CA6: variants seen among roughly 807,000 people sequenced by gnomAD.
CA6 encodes the protein carbonate dehydratase VI.
A neutral mutation model predicts 35.9 loss-of-function variants in CA6; 28 were observed. The ratio of observed to expected loss-of-function variants is 0.78; its 90% CI spans 0.58 to 1.07. CA6 has a LOEUF of 1.07. CA6 is among the 50% of genes least tolerant of loss of function. The pLI, the probability that CA6 is intolerant of heterozygous loss-of-function variation, is 0.00. For synonymous variants in CA6, 148 were observed against 152.6 expected (o/e 0.97, Z 0.22); for missense variants, 377 against 382.0 (o/e 0.99, Z 0.11).
At chr1:8,964,768 C>T (rs544770978) in intron 5 of CA6, among the ~76,000 whole-genome samples, 1 of 152,108 alleles carries the variant, frequency 6.6e-6, no homozygotes, top group South Asian at 2.1e-4. Flanking sequence ...TCCACGGAGC[C>T]GGAGTGACGG....
intron 1 of CA6, 74 bp downstream of exon 1, chr1:8,946,039 CTTCTTT>C: frequency 1.1e-6 from 1 of 871,838 alleles, no homozygotes; most frequent in Non-Finnish European, 1.8e-6. Flanking sequence ...CCTTCTTCTT[CTTCTTT>C]TTTTTTTTTT....
chr1:8,949,582 C>A, intron 2 of CA6, 140 bp downstream of exon 2: 1 of 697,120 alleles, frequency 1.4e-6, no homozygotes. Flanking sequence ...ACATGAGGGT[C>A]GAACATGAGG....
At chr1:8,953,854 G>C (rs1445931738) in intron 2 of CA6, among the ~76,000 whole-genome samples, 1 of 152,128 alleles carries the variant, frequency 6.6e-6, no homozygotes, top group Non-Finnish European at 1.5e-5. Context: ...TGAGATAGGA[G>C]GTTGGCACAA....
chr1:8,965,236 A>G, intron 5 of CA6, among the ~76,000 whole-genome samples: 1 of 152,038 alleles, frequency 6.6e-6, no homozygotes. Context: ...AGAGCGCAAC[A>G]ACATCTCAAA....
At chr1:8,958,414 C>T (rs895316027) in intron 3 of CA6, among the ~76,000 whole-genome samples, 6 of 152,214 alleles carry the variant, frequency 3.9e-5, no homozygotes, top group South Asian at 2.1e-4. Flanking sequence ...GTGATCCACC[C>T]GCCTCGGCCT....
chr1:8,966,257 G>A lies in CA6; in HGVS notation c.572-1402G>A, dbSNP rs183360448. 3.1e-3 allele frequency among the ~76,000 whole-genome samples: 466 copies of A among 152,014 alleles called. 3 individuals are homozygous for A. Among genetic ancestry groups the A allele is most frequent in the African/African-American group, 0.01 (434 of 41,454 alleles). ...CCCGAGTAGCTGGGATTACAGGCACGTGCCACCATGCCCAGCTAATTTTTG... is the reference window on the plus strand; with the variant it reads ...CCCGAGTAGCTGGGATTACAGGCACATGCCACCATGCCCAGCTAATTTTTG... On this transcript the variant is annotated intron_variant, in intron 5 of 7. Coordinates refer to ENST00000377443, the MANE Select transcript of CA6 (RefSeq NM_001215.4).
Position 8,963,937 on chromosome 1 carries a change from C to G in CA6, c.571+1281C>G, listed in dbSNP as rs527276242. On this transcript the variant is annotated intron_variant, in intron 5 of 7. Coordinates refer to ENST00000377443, the MANE Select transcript of CA6 (RefSeq NM_001215.4). The surrounding 1 kb of genome is among the most constrained non-coding windows in gnomAD (Gnocchi z 4.1). ...CATTTTCTTTCTGACCTCCCAAATT[C>G]CTGTCACATGCTTTCTCCTCTCTCC... Among the ~76,000 whole-genome samples, 1 of 152,352 alleles carries G rather than the reference C, an allele frequency of 6.6e-6. No homozygotes were observed. The highest frequency in any genetic ancestry group is 2.4e-5 in the African/African-American group (1 of 41,576).
At chr1:8,956,175 A>G (rs138756871) in intron 2 of CA6, among the ~76,000 whole-genome samples, 6,540 of 152,006 alleles carry the variant, frequency 0.043, 473 homozygotes, top group African/African-American at 0.15. Context: ...GTGAGCCTAG[A>G]TCATGCCACT....
chr1:8,970,742 C>T lies in CA6; in HGVS notation c.730-125C>T, dbSNP rs1640087290. On this transcript the variant is annotated intron_variant, in intron 6 of 7. Coordinates refer to ENST00000377443, the MANE Select transcript of CA6 (RefSeq NM_001215.4). Reference sequence around the variant, plus strand: ...TCTCCAACTCCTGAGCTCAAGTGATCTGCCCGCCCCAGCCTCCCAAAATGC... The same window carrying T: ...TCTCCAACTCCTGAGCTCAAGTGATTTGCCCGCCCCAGCCTCCCAAAATGC... The T allele has an allele frequency of 5.7e-6, 4 of 702,292 alleles. No homozygotes were observed. In the South Asian group the frequency reaches 6.2e-5, roughly 11 times the overall value. The allele number at this position is 702,292 out of a possible 1,614,324, so 43.5% of individuals were successfully genotyped here.
At chr1:8,951,515 T>C (rs372780784) in intron 2 of CA6, 10 of 765,022 alleles carry the variant, frequency 1.3e-5, no homozygotes, top group Non-Finnish European at 1.2e-5. Flanking sequence ...TTGTTCACCC[T>C]CCCTGGACAG....
intron 3 of CA6, among the ~76,000 whole-genome samples, chr1:8,957,513 G>C (rs925727616): frequency 1.3e-5 from 2 of 152,076 alleles, no homozygotes; most frequent in Non-Finnish European, 2.9e-5. Context: ...ACTAAGTTTT[G>C]TATTTTTAGT....
Position 8,962,676 on chromosome 1 carries a change from G to T in CA6, c.571+20G>T. 6.2e-7 allele frequency: 1 copy of T among 1,601,134 alleles called. No individual in the cohort carries two copies. Among genetic ancestry groups the T allele is most frequent in the Non-Finnish European group, 8.6e-7 (1 of 1,168,314 alleles). ...ACCCAGGTAAGGGAAGCCAACTGTG[G>T]CTGCAGGAGGGAAGGGGAATGAGTG... On this transcript the variant is annotated intron_variant, in intron 5 of 7. Transcript: ENST00000377443.
Position 8,949,372 on chromosome 1 carries a change from G to A in CA6, c.189G>A (p.Leu63=), listed in dbSNP as rs2124227295. Residue 63 remains leucine (L), a synonymous_variant, in exon 2 of 8, where the codon TTG becomes TTA. Coordinates refer to ENST00000377443, the MANE Select transcript of CA6 (RefSeq NM_001215.4). ...CGAAGGTGCGGTACAACCCCTCCTT[G>A]AAGGGGCTCAATATGACAGGCTATG... The part of the protein sequence containing the change: ...QRTKVRYNPS[L]KGLNMTGYET... 2 of 1,613,562 alleles carry A rather than the reference G, an allele frequency of 1.2e-6. No homozygotes were observed. The highest frequency in any genetic ancestry group is 1.7e-6 in the Non-Finnish European group (2 of 1,179,752).
intron 2 of CA6, among the ~76,000 whole-genome samples, chr1:8,956,243 T>G (rs17389460): frequency 0.2 from 30,973 of 151,858 alleles, 3,275 homozygotes; most frequent in Non-Finnish European, 0.22. Flanking sequence ...AATAGGAAGA[T>G]CTTGCTCATG....
intron 2 of CA6, among the ~76,000 whole-genome samples, chr1:8,956,021 G>A (rs903589950): frequency 1.5e-4 from 23 of 152,152 alleles, no homozygotes; most frequent in African/African-American, 4.8e-4. Flanking sequence ...TCAGGAGTTC[G>A]AGACCAGCCT....
intron 2 of CA6, among the ~76,000 whole-genome samples, chr1:8,953,405 C>T (rs931982887): frequency 1.3e-5 from 2 of 152,166 alleles, no homozygotes; most frequent in Non-Finnish European, 2.9e-5. Flanking sequence ...GGGAGGATCA[C>T]TTGAACCCAG....
chr1:8,968,006 C>T (rs1310262351), intron 6 of CA6, among the ~76,000 whole-genome samples, 190 bp downstream of exon 6: 4 of 127,452 alleles, frequency 3.1e-5, no homozygotes, highest in Non-Finnish European at 4.6e-5. Flanking sequence ...CTCGCTCTGT[C>T]ACCTGGGCTG....
At chr1:8,960,789 C>CACACACACACACACACATATATAT (rs59987426) in intron 4 of CA6, among the ~76,000 whole-genome samples, 25 of 116,866 alleles carry the variant, frequency 2.1e-4, no homozygotes, top group African/African-American at 4.3e-4. Context: ...CACACACACA[C>CACACACACACACACACATATATAT]ATATATATAA....
At chr1:8,972,348 GC>G (rs1640131251) in intron 7 of CA6, among the ~76,000 whole-genome samples, 1 of 152,144 alleles carries the variant, frequency 6.6e-6, no homozygotes, top group Non-Finnish European at 1.5e-5. Context: ...ACCTCGTTCG[GC>G]CTTATCCCAT....
Sources: gnomAD v4.1 joint callset for allele counts (sites outside exome capture counted in the v4.1 genomes callset) on GRCh38, gnomAD v4.1.1 for gene constraint, Gnocchi (gnomAD v3.1) non-coding constraint, MANE v1.5 for transcripts, NCBI Gene and HGNC (gene_info 2026-07-23, HGNC 2026-07-21) for gene names.